RCBTB2: variants seen among roughly 807,000 people sequenced by gnomAD.
RCBTB2 encodes the protein RCC1 and BTB domain containing protein 2.
In RCBTB2, 55 loss-of-function variants were observed where a neutral mutation model predicts 65.4. The observed-to-expected ratio is 0.84, with a 90% confidence interval of 0.68 to 1.05. RCBTB2 has a LOEUF of 1.05. Among genes scored for constraint, RCBTB2 ranks in the 50% least tolerant of loss-of-function variants. The probability of loss-of-function intolerance (pLI) is 0.00; values close to 1 mark genes in which losing one functional copy is unlikely to be tolerated. For synonymous variants in RCBTB2, 220 were observed against 255.2 expected (o/e 0.86, Z 1.31); for missense variants, 599 against 680.1 (o/e 0.88, Z 1.33).
intron 1 of RCBTB2, among the ~76,000 whole-genome samples, chr13:48,527,671 G>C (rs1951882908): frequency 6.6e-6 from 1 of 152,068 alleles, no homozygotes; most frequent in Non-Finnish European, 1.5e-5. Context: ...AAGGTAATCT[G>C]TCACATGACA....
chr13:48,515,865 G>C (rs183493904), intron 4 of RCBTB2, 124 bp from the exon 5 acceptor site: 1 of 964,492 alleles, frequency 1.0e-6, no homozygotes, highest in Non-Finnish European at 1.5e-6. Context: ...ATTTTTGAGA[G>C]GCCTCTCGCA....
In RCBTB2 at chr13:48,522,391, A is replaced by G. The variant is rs1414479781; in HGVS notation, c.-107T>C. ...AATTCTCAGCTCCACAGAAGAATAT[A>G]TGATTTGCTAAGCTGGAAAAAAAAA... On this transcript the variant is annotated 5_prime_UTR_variant, in exon 3 of 15. Transcript: ENST00000344532. 16 of 1,390,226 alleles carry G rather than the reference A, an allele frequency of 1.2e-5. No individual in the cohort carries two copies. The highest frequency in any genetic ancestry group is 1.6e-5 in the Non-Finnish European group (16 of 1,019,192). 86.1% of individuals were successfully genotyped at this position (1,390,226 alleles called of 1,614,324 possible).
chr13:48,507,465 A>G (rs1371281845), intron 10 of RCBTB2, among the ~76,000 whole-genome samples: 1 of 152,216 alleles, frequency 6.6e-6, no homozygotes, highest in Non-Finnish European at 1.5e-5. Context: ...TTTTGTAGCC[A>G]ATCTTAATGG....
At chr13:48,526,327 A>G (rs1018705749) in intron 1 of RCBTB2, among the ~76,000 whole-genome samples, 5 of 152,092 alleles carry the variant, frequency 3.3e-5, no homozygotes, top group Non-Finnish European at 5.9e-5. Flanking sequence ...GAGGCCCCCA[A>G]AAGTTTGAGA....
In RCBTB2 at chr13:48,512,168, C is replaced by A. The variant is rs763053938; in HGVS notation, c.523G>T (p.Ala175Ser). 1.9e-6 allele frequency: 3 copies of A among 1,612,128 alleles called. No homozygotes were observed. Among genetic ancestry groups the A allele is most frequent in the South Asian group, 1.1e-5 (1 of 91,010 alleles). Residue 175 changes from alanine (A) to serine (S), a missense_variant, in exon 8 of 15, where the codon GCC (alanine) becomes TCC (serine). Physicochemically the swap from Ala to Ser is moderately conservative, Grantham distance 99. Coordinates refer to ENST00000344532, the MANE Select transcript of RCBTB2 (RefSeq NM_001268.4). ...TGCCCAGAGTTATTATAACCCCAGG[C>A]AAATACCTGTTTAAAGGAAAGATCA... ...LVLTSDGEVF[A>S]WGYNNSGQVG...
At chr13:48,499,305 T>G (rs1308259133) in intron 13 of RCBTB2, among the ~76,000 whole-genome samples, 1 of 152,112 alleles carries the variant, frequency 6.6e-6, no homozygotes, top group Non-Finnish European at 1.5e-5. Flanking sequence ...AGGCCCACAG[T>G]CTGAAATAAG....
In RCBTB2 at chr13:48,511,892, G is replaced by A. The variant is rs779421298; in HGVS notation, c.676-15C>T. 4.3e-6 allele frequency: 7 copies of A among 1,613,738 alleles called. No homozygotes were observed. The African/African-American group carries it at 8.0e-5, about 18-fold the overall frequency. ...CAGACATAGACCTGAGAGAAAATGA[G>A]ACCCTCAATCCTCTCAAGAGACAAA... On this transcript the variant is annotated splice_polypyrimidine_tract_variant and intron_variant, in intron 8 of 14. Transcript: ENST00000344532.
At chr13:48,497,945 C>A (rs560817038) in intron 13 of RCBTB2, among the ~76,000 whole-genome samples, 2 of 152,236 alleles carry the variant, frequency 1.3e-5, no homozygotes, top group Non-Finnish European at 2.9e-5. Context: ...GCCTCCTCCA[C>A]GCACACCTTC....
intron 6 of RCBTB2, among the ~76,000 whole-genome samples, chr13:48,514,264 G>A (rs904339294): frequency 6.6e-6 from 1 of 152,334 alleles, no homozygotes; most frequent in African/African-American, 2.4e-5. Context: ...AGTAACTAAC[G>A]GGTGGGAGTG....
intron 1 of RCBTB2, chr13:48,532,477 C>T (rs1322643211): frequency 6.5e-6 from 1 of 153,030 alleles, no homozygotes; most frequent in Non-Finnish European, 1.5e-5. Context: ...GGGTCGAGGC[C>T]ACAGAAATGA....
intron 13 of RCBTB2, among the ~76,000 whole-genome samples, chr13:48,498,355 A>C (rs1950069798): frequency 6.6e-6 from 1 of 152,208 alleles, no homozygotes; most frequent in African/African-American, 2.4e-5. Flanking sequence ...TATAACTTTA[A>C]GTTTTTAGAC....
intron 13 of RCBTB2, among the ~76,000 whole-genome samples, chr13:48,498,927 T>A (rs1252672912): frequency 3.3e-5 from 5 of 152,008 alleles, no homozygotes; most frequent in African/African-American, 1.2e-4. Flanking sequence ...ACAAATCCCA[T>A]CAGCAACCTC....
At chr13:48,511,976 A>C in intron 8 of RCBTB2, 40 bp downstream of exon 8, 1 of 1,608,850 alleles carries the variant, frequency 6.2e-7, no homozygotes. Flanking sequence ...CTGATGTGGC[A>C]AACACGGTTT....
In RCBTB2 at chr13:48,516,114, G is replaced by T. The variant is rs1017653517; in HGVS notation, c.43-373C>A. ...AGAGAGACAGAGAGAGAGAGAGAGA[G>T]AGAGAGCTGCCATGTCATCTGCTCT... On this transcript the variant is annotated intron_variant, in intron 4 of 14. Transcript: ENST00000344532. Among the ~76,000 whole-genome samples the T allele has an allele frequency of 3.3e-5, 5 of 152,190 alleles. 1 individual carries two copies. The South Asian group carries it at 1.0e-3, about 31-fold the overall frequency.
chr13:48,490,062 G>T lies in RCBTB2; in HGVS notation c.*49C>A, dbSNP rs549721757. ...ATTAAAGAGAAGTGATTCATCTCTG[G>T]CTTTTGCAGGGGAAATGGAAAGGCT... On this transcript the variant is annotated 3_prime_UTR_variant, in exon 15 of 15. Transcript: ENST00000344532. 8.9e-5 allele frequency: 142 copies of T among 1,600,942 alleles called. No homozygotes were observed. Among genetic ancestry groups the T allele is most frequent in the Non-Finnish European group, 1.2e-4 (139 of 1,168,822 alleles).
chr13:48,495,390 T>C (rs557776474), intron 14 of RCBTB2, among the ~76,000 whole-genome samples: 1 of 134,384 alleles, frequency 7.4e-6, no homozygotes, highest in South Asian at 2.1e-4. Flanking sequence ...TTTCAAAAAA[T>C]AAAAATAGGA....
intron 13 of RCBTB2, among the ~76,000 whole-genome samples, chr13:48,499,411 C>T (rs1214310889): frequency 2.6e-5 from 4 of 152,132 alleles, no homozygotes; most frequent in African/African-American, 4.8e-5. Flanking sequence ...CAATGCTCCA[C>T]GGTGGTGATG....
chr13:48,500,938 T>C (rs1473487382), intron 12 of RCBTB2, among the ~76,000 whole-genome samples: 1 of 152,352 alleles, frequency 6.6e-6, no homozygotes, highest in Non-Finnish European at 1.5e-5. Context: ...GTGTTGAGTG[T>C]GTGACTCACT....
rs1555297880 is a variant in RCBTB2 at position 48,493,315 on chromosome 13, A to ACTCTCTCCCTCTCTCTCTCT, written c.1515+2875_1515+2876insAGAGAGAGAGAGGGAGAGAG. 7.5e-3 allele frequency among the ~76,000 whole-genome samples: 561 copies of ACTCTCTCCCTCTCTCTCTCT among 75,084 alleles called. 12 individuals are homozygous for ACTCTCTCCCTCTCTCTCTCT. The highest frequency in any genetic ancestry group is 0.03 in the African/African-American group (498 of 16,704). The allele number at this position is 75,084 out of a possible 152,430, so 49.3% of individuals were successfully genotyped here. A position where few individuals can be genotyped will look rare whatever the true frequency, so the allele number is the denominator to read the frequency against. ...CACACACACACACACACACACACAC[A>ACTCTCTCCCTCTCTCTCTCT]CTCTCTCTCTCTCTCTCTCTCTCTC... On this transcript the variant is annotated intron_variant, in intron 14 of 14. Transcript: ENST00000344532.
Sources: allele counts gnomAD v4.1 joint callset (sites outside exome capture counted in the v4.1 genomes callset), GRCh38; gene constraint gnomAD v4.1.1; transcripts MANE v1.5; gene names NCBI Gene and HGNC (gene_info 2026-07-23, HGNC 2026-07-21).